ACTN4: variants seen among roughly 807,000 people sequenced by gnomAD.
ACTN4 encodes alpha-actinin-4.
ACTN4 carries 18 observed loss-of-function variants against 114.2 expected under a neutral mutation model. The observed-to-expected ratio is 0.16, with a 90% CI of 0.11 to 0.23. ACTN4 has a LOEUF of 0.23. Ranked by LOEUF, ACTN4 falls within the 10% of genes least tolerant of loss-of-function variation. The pLI is 1.00. For synonymous variants in ACTN4, 515 were observed against 506.3 expected (o/e 1.02, Z -0.23); for missense variants, 722 against 1,262.9 (o/e 0.57, Z 6.49).
rs1968879421 is a variant in ACTN4, at chr19:38,717,439, G to T, written c.1143+123G>T. 7.5e-7 allele frequency: 1 copy of T among 1,333,074 alleles called. No individual in the cohort carries two copies. Among genetic ancestry groups the T allele is most frequent in the Non-Finnish European group, 1.0e-6 (1 of 965,150 alleles). 82.6% of individuals were successfully genotyped at this position (1,333,074 alleles called of 1,614,324 possible). On this transcript the variant is annotated intron_variant, in intron 10 of 20. Coordinates refer to ENST00000252699, the MANE Select transcript of ACTN4 (RefSeq NM_004924.6). This position sits in a 1 kb window ranked among gnomAD's most constrained non-coding sequence, Gnocchi z 4.0. The stretch of plus-strand genomic sequence containing the variant: ...TTGATGTCCTGTGGGACATGGCATG[G>T]CCTTTCGGATGCAGTGGTCGGGGAG...
chr19:38,663,747 C>T (rs1286527972), intron 1 of ACTN4, among the ~76,000 whole-genome samples: 1 of 152,194 alleles, frequency 6.6e-6, no homozygotes, highest in Admixed American at 6.5e-5. Context: ...GTACCATGCT[C>T]ATCTTGGCCA....
intron 8 of ACTN4, among the ~76,000 whole-genome samples, chr19:38,713,392 G>C (rs886467593): frequency 2.0e-5 from 3 of 152,182 alleles, no homozygotes; most frequent in African/African-American, 7.2e-5. Flanking sequence ...TTAGGAGTCA[G>C]GGACTGACCT....
At chr19:38,667,646 A>C (rs975519140) in intron 1 of ACTN4, among the ~76,000 whole-genome samples, 2 of 150,652 alleles carry the variant, frequency 1.3e-5, no homozygotes, top group African/African-American at 4.9e-5. Context: ...ACGGTGCCCC[A>C]TTGTTATGAA....
chr19:38,718,178 G>A (rs1312802542), intron 11 of ACTN4, 104 bp downstream of exon 11: 1 of 1,537,658 alleles, frequency 6.5e-7, no homozygotes. Context: ...GCCACGTTGG[G>A]TCTGTTTCTC....
chr19:38,687,859 G>A (rs1261853010), intron 1 of ACTN4, among the ~76,000 whole-genome samples: 1 of 152,184 alleles, frequency 6.6e-6, no homozygotes, highest in Non-Finnish European at 1.5e-5. Context: ...TTTACAAATT[G>A]TATATCTGAT....
At chr19:38,655,318 G>A (rs1017268761) in intron 1 of ACTN4, among the ~76,000 whole-genome samples, 2 of 152,168 alleles carry the variant, frequency 1.3e-5, no homozygotes, top group Non-Finnish European at 2.9e-5. Context: ...CTTGAGGCCT[G>A]CTCCCTTTGT....
intron 1 of ACTN4, among the ~76,000 whole-genome samples, chr19:38,663,869 AG>A (rs1976968315): frequency 6.6e-6 from 1 of 152,088 alleles, no homozygotes; most frequent in South Asian, 2.1e-4. Flanking sequence ...CCCAGGTGGG[AG>A]GGGGTGCCTT....
intron 1 of ACTN4, among the ~76,000 whole-genome samples, chr19:38,656,546 A>G (rs1340654270): frequency 6.6e-6 from 1 of 152,222 alleles, no homozygotes; most frequent in Non-Finnish European, 1.5e-5. Context: ...TCCAAATATC[A>G]GAGCAGAACA....
chr19:38,711,890 C>T (rs927037881), intron 8 of ACTN4, among the ~76,000 whole-genome samples: 3 of 152,222 alleles, frequency 2.0e-5, no homozygotes, highest in Admixed American at 6.5e-5. Context: ...TGGCAGTGGC[C>T]GCCCTCCTGG....
intron 11 of ACTN4, among the ~76,000 whole-genome samples, chr19:38,720,015 G>T (rs1372988109): frequency 6.6e-6 from 1 of 152,228 alleles, no homozygotes; most frequent in African/African-American, 2.4e-5. Flanking sequence ...GTCTGCCAGA[G>T]CCCCCAGGCA....
At chr19:38,666,807 A>G (rs1317953676) in intron 1 of ACTN4, among the ~76,000 whole-genome samples, 2 of 152,142 alleles carry the variant, frequency 1.3e-5, no homozygotes, top group Non-Finnish European at 2.9e-5. Flanking sequence ...GGCAGTTTCC[A>G]TTCTTGACTT....
At chr19:38,688,840 C>T (rs925679554) in intron 1 of ACTN4, among the ~76,000 whole-genome samples, 10 of 152,258 alleles carry the variant, frequency 6.6e-5, no homozygotes, top group Admixed American at 2.0e-4. Flanking sequence ...AATCAGAACC[C>T]TCACATTGCT....
At chr19:38,726,003 T>C in intron 17 of ACTN4, 100 bp downstream of exon 17, 1 of 1,478,274 alleles carries the variant, frequency 6.8e-7, no homozygotes, top group South Asian at 1.1e-5. Context: ...TGCTGTCTGT[T>C]GTTTTTCACT....
At chr19:38,654,599 C>A (rs1361688928) in intron 1 of ACTN4, among the ~76,000 whole-genome samples, 1 of 151,284 alleles carries the variant, frequency 6.6e-6, no homozygotes, top group Non-Finnish European at 1.5e-5. Flanking sequence ...GGAGTTAAAT[C>A]TTTGCATATA....
intron 1 of ACTN4, among the ~76,000 whole-genome samples, chr19:38,661,358 C>T (rs775683638): frequency 2.0e-5 from 3 of 152,168 alleles, no homozygotes; most frequent in Non-Finnish European, 2.9e-5. Flanking sequence ...TTTCGGCAGT[C>T]GGCACGTGTA....
In ACTN4 at chr19:38,679,568, C is replaced by CGTGTGTGTGTGTGTGT. The variant is rs10583743; in HGVS notation, c.163-21015_163-21000dup. Among the ~76,000 whole-genome samples, 672 of 145,512 alleles carry CGTGTGTGTGTGTGTGT rather than the reference C, an allele frequency of 4.6e-3. 15 individuals carry two copies. Among genetic ancestry groups the CGTGTGTGTGTGTGTGT allele is most frequent in the East Asian group, 0.029 (140 of 4,796 alleles). On this transcript the variant is annotated intron_variant, in intron 1 of 20. Transcript: ENST00000252699. ...ACGTGCTCAAATAGATTTGGGTGTG[C>CGTGTGTGTGTGTGTGT]GTGTGTGTGTGTGTGTGTGTGTGTG...
rs370394294 is a variant in ACTN4, at chr19:38,724,715, G to A, written c.2010+150G>A. ...CACCCAGGGGCCGTGATCACCCTGC[G>A]GGGTTAGGAGAGTCCACAGAGCTTG... is the stretch of plus-strand genomic sequence containing the variant. On this transcript the variant is annotated intron_variant, in intron 16 of 20. Coordinates refer to ENST00000252699, the MANE Select transcript of ACTN4 (RefSeq NM_004924.6). The surrounding 1 kb of genome is among the most constrained non-coding windows in gnomAD (Gnocchi z 7.0). The A allele has an allele frequency of 3.8e-5, 51 of 1,357,724 alleles. No homozygotes were observed. In the Middle Eastern group the frequency reaches 7.3e-4, roughly 19 times the overall value. The allele number at this position is 1,357,724 out of a possible 1,614,324, so 84.1% of individuals were successfully genotyped here.
In ACTN4 at chr19:38,723,998, C is replaced by T. The variant is rs1486868317; in HGVS notation, c.1613C>T (p.Ala538Val). 1 of 1,613,816 alleles carries T rather than the reference C, an allele frequency of 6.2e-7. No homozygotes were observed. Among genetic ancestry groups the T allele is most frequent in the South Asian group, 1.1e-5 (1 of 91,086 alleles). The change falls in exon 14 of 21, where the codon GCC (alanine) becomes GTC (valine). Residue 538 changes from alanine (A) to valine (V), a missense_variant. By Grantham distance (64) the Ala-to-Val change is moderately conservative. This residue lies in a region of ACTN4 where 523 missense variants were observed against 875.9 expected (regional missense o/e 0.60). Transcript: ENST00000252699. ...QLHLEYAKRAAPFNNWMESAM... is the reference protein window; with the variant it reads ...QLHLEYAKRAVPFNNWMESAM... ...CACCTGGAATACGCCAAGCGCGCGG[C>T]CCCCTTCAACAACTGGATGGAGAGC...
At chr19:38,707,281 G>A (rs755470261) in intron 5 of ACTN4, among the ~76,000 whole-genome samples, 1 of 151,780 alleles carries the variant, frequency 6.6e-6, no homozygotes, top group Non-Finnish European at 1.5e-5. Context: ...GCTGCATGCC[G>A]TTAGTGGAGA....
Sources: allele counts gnomAD v4.1 joint callset (sites outside exome capture counted in the v4.1 genomes callset), GRCh38; gene constraint gnomAD v4.1.1; regional missense constraint gnomAD v4.1.1; non-coding constraint Gnocchi (gnomAD v3.1); transcripts MANE v1.5; gene names NCBI Gene and HGNC (gene_info 2026-07-23, HGNC 2026-07-21).